Variants in DENND5A observed in about 807,000 individuals in gnomAD.
The protein encoded by DENND5A is DENN domain-containing protein 5A.
DENND5A carries 64 observed loss-of-function variants against 140.3 expected under a neutral mutation model. That is an observed-to-expected ratio of 0.46 (90% confidence interval 0.37 to 0.56). DENND5A has a LOEUF of 0.56. Among genes scored for constraint, DENND5A ranks in the 20% least tolerant of loss-of-function variants. The pLI is 0.00. For missense variants in DENND5A, 1,292 were observed against 1,593.8 expected, an observed-to-expected ratio of 0.81 and a Z score of 3.22; for synonymous variants, 605 against 607.7, an observed-to-expected ratio of 1.00 and a Z score of 0.07.
chr11:9,180,875 A>G lies in DENND5A; in HGVS notation c.1347T>C (p.Asn449=). 1.9e-6 allele frequency: 3 copies of G among 1,614,176 alleles called. No homozygotes were observed. The highest frequency in any genetic ancestry group is 2.5e-6 in the Non-Finnish European group (3 of 1,180,030). Residue 449 remains asparagine, a synonymous_variant, in exon 6 of 23, where the codon AAT becomes AAC. Transcript: ENST00000328194. ...RASELVSDKR[N]GNIAGSPLHS... is the part of the protein sequence containing the mutation. ...GCAAAGGGGAGCCAGCAATGTTCCC[A>G]TTCCTCTTGTCCGAGACAAGCTCAG... is the stretch of plus-strand genomic sequence containing the variant.
At chr11:9,164,194 ATTTTT>A (rs779522112) in intron 11 of DENND5A, among the ~76,000 whole-genome samples, 1 of 79,066 alleles carries the variant, frequency 1.3e-5, no homozygotes, top group African/African-American at 4.8e-5. Flanking sequence ...ACCACGCCTA[ATTTTT>A]TTTTTTTTTT....
At chr11:9,207,213 G>A in intron 2 of DENND5A, 1 of 471,268 alleles carries the variant, frequency 2.1e-6, no homozygotes, top group South Asian at 1.9e-5. Context: ...TGATCTCTGG[G>A]AAAAATACAA....
chr11:9,153,071 C>T (rs947064284), intron 12 of DENND5A, among the ~76,000 whole-genome samples: 2 of 151,190 alleles, frequency 1.3e-5, no homozygotes, highest in African/African-American at 4.9e-5. Flanking sequence ...TAATCCCAAC[C>T]CCAACACTGG....
intron 10 of DENND5A, among the ~76,000 whole-genome samples, chr11:9,169,105 G>A (rs1210292541): frequency 2.0e-5 from 3 of 152,090 alleles, no homozygotes; most frequent in Admixed American, 6.5e-5. Context: ...AAGATTATCT[G>A]TTTCAATTTA....
chr11:9,183,662 C>A (rs909496981), intron 5 of DENND5A, among the ~76,000 whole-genome samples: 2 of 152,128 alleles, frequency 1.3e-5, no homozygotes, highest in Non-Finnish European at 2.9e-5. Flanking sequence ...CCACCTCAGC[C>A]TCCCAAAATA....
intron 1 of DENND5A, among the ~76,000 whole-genome samples, chr11:9,260,288 G>A (rs952240183): frequency 2.6e-5 from 4 of 152,008 alleles, no homozygotes; most frequent in Non-Finnish European, 4.4e-5. Context: ...TACGTCACAA[G>A]TATTTGGGAA....
intron 1 of DENND5A, among the ~76,000 whole-genome samples, chr11:9,234,042 G>A (rs1850891661): frequency 6.6e-6 from 1 of 152,034 alleles, no homozygotes; most frequent in Non-Finnish European, 1.5e-5. Context: ...GCCGGGCATG[G>A]TAGCACATGC....
At chr11:9,222,311 A>C (rs1850346140) in intron 1 of DENND5A, among the ~76,000 whole-genome samples, 1 of 151,882 alleles carries the variant, frequency 6.6e-6, no homozygotes, top group African/African-American at 2.4e-5. Flanking sequence ...TATCTTTTTT[A>C]ACATAACCTC....
At chr11:9,263,985 GAA>G (rs1162859488) in intron 1 of DENND5A, among the ~76,000 whole-genome samples, 1 of 151,966 alleles carries the variant, frequency 6.6e-6, no homozygotes, top group Non-Finnish European at 1.5e-5. Context: ...TACAGTGACA[GAA>G]AAGTGAAAAG....
chr11:9,204,132 A>C lies in DENND5A; in HGVS notation c.477T>G (p.Ala159=), dbSNP rs1428807795. Residue 159 remains alanine (A), a synonymous_variant, in exon 4 of 23, where the codon GCT becomes GCG. Transcript: ENST00000328194. ...GGGGAGCATGTAGGACATCATACTCAGCATTGTGCATGTGGTAGAGGGTCT... is the reference window on the plus strand; with the variant it reads ...GGGGAGCATGTAGGACATCATACTCCGCATTGTGCATGTGGTAGAGGGTCT... ...AMQTLYHMHN[A]EYDVLHAPPA... 4 of 1,614,062 alleles carry C rather than the reference A, an allele frequency of 2.5e-6. No individual in the cohort carries two copies. Among genetic ancestry groups the C allele is most frequent in the Non-Finnish European group, 1.7e-6 (2 of 1,180,034 alleles).
chr11:9,167,812 T>C (rs1848240762), intron 10 of DENND5A, among the ~76,000 whole-genome samples: 1 of 151,914 alleles, frequency 6.6e-6, no homozygotes, highest in Non-Finnish European at 1.5e-5. Flanking sequence ...CAAAATAAAA[T>C]AAAAGCTCTT....
At chr11:9,185,932 C>T (rs1432647187) in intron 5 of DENND5A, among the ~76,000 whole-genome samples, 1 of 151,372 alleles carries the variant, frequency 6.6e-6, no homozygotes, top group African/African-American at 2.4e-5. Context: ...TGTGTGTTGT[C>T]TCTGTGTGTC....
intron 1 of DENND5A, among the ~76,000 whole-genome samples, chr11:9,262,201 T>A (rs543904829): frequency 6.6e-6 from 1 of 152,296 alleles, no homozygotes; most frequent in South Asian, 2.1e-4. Context: ...GACAGGGTTA[T>A]CTCTAACTTG....
intron 1 of DENND5A, among the ~76,000 whole-genome samples, chr11:9,253,349 T>G (rs1479875439): frequency 1.3e-5 from 2 of 152,220 alleles, no homozygotes; most frequent in Non-Finnish European, 2.9e-5. Flanking sequence ...CACCAAACAC[T>G]GTGACTCAGG....
At chr11:9,215,604 G>A (rs1446856736) in intron 1 of DENND5A, among the ~76,000 whole-genome samples, 1 of 148,704 alleles carries the variant, frequency 6.7e-6, no homozygotes, top group Non-Finnish European at 1.5e-5. Flanking sequence ...CTATAGTGCA[G>A]TGGCACGAAC....
chr11:9,145,274 C>A, intron 17 of DENND5A, 161 bp from the exon 18 acceptor site: 1 of 623,372 alleles, frequency 1.6e-6, no homozygotes, highest in Non-Finnish European at 2.8e-6. Flanking sequence ...CGGTACAGCA[C>A]TATCTCATGG....
At chr11:9,264,515 G>T (rs934266480) in intron 1 of DENND5A, among the ~76,000 whole-genome samples, 6 of 152,078 alleles carry the variant, frequency 3.9e-5, no homozygotes, top group African/African-American at 1.4e-4. Flanking sequence ...CGGTTTTGAG[G>T]AACTAGTATC....
intron 1 of DENND5A, among the ~76,000 whole-genome samples, chr11:9,211,053 G>C (rs2136221643): frequency 6.6e-6 from 1 of 152,282 alleles, no homozygotes; most frequent in South Asian, 2.1e-4. Context: ...TAGGGAAGAA[G>C]GTCAGCACTT....
intron 1 of DENND5A, among the ~76,000 whole-genome samples, chr11:9,213,574 G>A (rs1849963419): frequency 6.6e-6 from 1 of 151,492 alleles, no homozygotes; most frequent in Non-Finnish European, 1.5e-5. Flanking sequence ...TTGGGAGGCC[G>A]AGGCGGGTGC....
Sources: allele counts gnomAD v4.1 joint callset (sites outside exome capture counted in the v4.1 genomes callset), GRCh38; gene constraint gnomAD v4.1.1; transcripts MANE v1.5; gene names NCBI Gene and HGNC (gene_info 2026-07-23, HGNC 2026-07-21).